ANK1: variants seen among roughly 807,000 people sequenced by gnomAD.
ANK1 encodes ankyrin-1.
A neutral mutation model predicts 210.4 loss-of-function variants in ANK1; 51 were observed. The observed-to-expected ratio is 0.24, with a 90% confidence interval of 0.19 to 0.31. The LOEUF (loss-of-function observed/expected upper bound fraction) is 0.31, where lower values mean the gene tolerates loss of function less well. ANK1 is among the 10% of genes least tolerant of loss of function. The probability of loss-of-function intolerance (pLI) is 1.00; values close to 1 mark genes in which losing one functional copy is unlikely to be tolerated. For missense variants in ANK1, 2,051 were observed against 2,504.4 expected (o/e 0.82, Z 3.86); for synonymous variants, 967 against 1,025.9 (o/e 0.94, Z 1.10).
chr8:41,802,995 G>GAGAAAGAGAGAAAGAAAGAAAGAAAGAA (rs1242596948), intron 1 of ANK1, among the ~76,000 whole-genome samples: 1 of 57,532 alleles, frequency 1.7e-5, no homozygotes, highest in Non-Finnish European at 3.3e-5. Flanking sequence ...GAGAGAAAGA[G>GAGAAAGAGAGAAAGAAAGAAAGAAAGAA]AGAAAGAAAG....
At chr8:41,883,538 C>T (rs1384708116) in intron 1 of ANK1, among the ~76,000 whole-genome samples, 3 of 152,182 alleles carry the variant, frequency 2.0e-5, no homozygotes, top group Admixed American at 2.0e-4. Context: ...TAGTTCACTG[C>T]AGCCTCAACC....
At chr8:41,699,791 GAC>G (rs1240821520) in intron 22 of ANK1, among the ~76,000 whole-genome samples, 3 of 152,138 alleles carry the variant, frequency 2.0e-5, no homozygotes, top group African/African-American at 7.2e-5. Flanking sequence ...GGAGGCCAAA[GAC>G]ACAGCCAGAA....
At chr8:41,661,633 G>A (rs776331766) in intron 41 of ANK1, 69 bp from the exon 42 acceptor site, 16 of 1,609,066 alleles carry the variant, frequency 9.9e-6, no homozygotes, top group Middle Eastern at 1.6e-4. Flanking sequence ...GCAGAAGATC[G>A]AAAGGAGGCC....
At chr8:41,715,392 G>A (rs1827349086) in intron 14 of ANK1, among the ~76,000 whole-genome samples, 1 of 152,220 alleles carries the variant, frequency 6.6e-6, no homozygotes, top group Non-Finnish European at 1.5e-5. Context: ...CCCAAAGCAG[G>A]TTTCGACTAA....
chr8:41,692,823 A>G lies in ANK1; in HGVS notation c.3683T>C (p.Leu1228Pro). The change falls in exon 31 of 43, where the codon CTG becomes CCG. Residue 1228 changes from leucine (L) to proline (P), a missense_variant. Leu to Pro is a moderately conservative substitution (Grantham distance 98). This residue lies in a region of ANK1 where 1,413 missense variants were observed against 1,707.4 expected (regional missense o/e 0.83). Coordinates refer to ENST00000289734, the MANE Select transcript of ANK1 (RefSeq NM_000037.4). The part of the protein sequence containing the change: ...RTAEAVNFAT[L>P]LYKELTAVPY... ...CACTGCAGTGAGCTCTTTGTACAGC[A>G]GGGTGGCAAAGTTCACAGCCTCAGC... The G allele has an allele frequency of 6.2e-7, 1 of 1,614,156 alleles. No individual in the cohort carries two copies. The highest frequency in any genetic ancestry group is 8.5e-7 in the Non-Finnish European group (1 of 1,180,032).
At chr8:41,818,798 G>C (rs1803729526) in intron 1 of ANK1, among the ~76,000 whole-genome samples, 1 of 152,156 alleles carries the variant, frequency 6.6e-6, no homozygotes, top group Non-Finnish European at 1.5e-5. Flanking sequence ...GGCAATTAAA[G>C]TGTGTCCTTG....
intron 1 of ANK1, among the ~76,000 whole-genome samples, chr8:41,827,556 TAC>T (rs1054301934): frequency 6.6e-6 from 1 of 152,218 alleles, no homozygotes; most frequent in Non-Finnish European, 1.5e-5. Context: ...GCAAGTTAAC[TAC>T]AGTTATTTTA....
At chr8:41,670,011 G>T (rs1285207608) in intron 38 of ANK1, among the ~76,000 whole-genome samples, 1 of 151,998 alleles carries the variant, frequency 6.6e-6, no homozygotes, top group African/African-American at 2.4e-5. Context: ...TGGCACTCAT[G>T]CAGGCCTCCC....
rs1364955154 is a variant in ANK1 at position 41,696,379 on chromosome 8, C to T, written c.2944G>A (p.Gly982Arg). ...ASRIIALGPTGAQFLSPVIVE... is the reference protein window; with the variant it reads ...ASRIIALGPTRAQFLSPVIVE... ...CAAGCTCACCTCAGGAACTGTGCCC[C>T]CGTGGGCCCCAGTGCTATGATCCTG... The change falls in exon 26 of 43, where the codon GGG becomes AGG. Residue 982 changes from glycine (G) to arginine (R), a missense_variant. Coordinates refer to ENST00000289734, the MANE Select transcript of ANK1 (RefSeq NM_000037.4). 6.2e-7 allele frequency: 1 copy of T among 1,613,162 alleles called. No individual in the cohort carries two copies. The highest frequency in any genetic ancestry group is 8.5e-7 in the Non-Finnish European group (1 of 1,179,966).
chr8:41,788,047 C>T (rs10112594), intron 1 of ANK1, among the ~76,000 whole-genome samples: 118,618 of 152,130 alleles, frequency 0.78, 47,223 homozygotes, highest in African/African-American at 0.88. Context: ...TGCTATCAAT[C>T]GGATTGGCGT....
chr8:41,714,169 TGCGGGGAGCCGCCCCGGGGAAGCA>T lies in ANK1; in HGVS notation c.1763_1786del (p.Leu588_Pro595del). 7.0e-7 allele frequency: 1 copy of T among 1,433,212 alleles called. No individual in the cohort carries two copies. Among genetic ancestry groups the T allele is most frequent in the Non-Finnish European group, 9.3e-7 (1 of 1,076,326 alleles). The allele number at this position is 1,433,212 out of a possible 1,614,324, so 88.8% of individuals were successfully genotyped here. A position where few individuals can be genotyped will look rare whatever the true frequency, so the allele number is the denominator to read the frequency against. ...GGCGGGCCTTACCCAGGCAGGGCTG[TGCGGGGAGCCGCCCCGGGGAAGCA>T]GCAGCTTGACGATGTCCAGGTTGTT... On this transcript the variant is annotated inframe_deletion, in exon 16 of 43. Coordinates refer to ENST00000289734, the MANE Select transcript of ANK1 (RefSeq NM_000037.4).
At position 41,794,334 on chromosome 8, in the gene ANK1, C is replaced by T. The variant is rs533471574; in HGVS notation, c.27+3178G>A. 4.9e-4 allele frequency among the ~76,000 whole-genome samples: 74 copies of T among 152,316 alleles called. 1 individual carries two copies. Among genetic ancestry groups the T allele is most frequent in the African/African-American group, 1.4e-3 (58 of 41,556 alleles). On this transcript the variant is annotated intron_variant, in intron 1 of 42. Transcript: ENST00000289734. The stretch of plus-strand genomic sequence containing the variant: ...GCCTCCCGGTTATTCCCATGACACA[C>T]GCCTGCCTCAGGACCTTTGCATGTG...
At chr8:41,792,397 C>T (rs1316896257) in intron 1 of ANK1, among the ~76,000 whole-genome samples, 1 of 152,218 alleles carries the variant, frequency 6.6e-6, no homozygotes, top group Non-Finnish European at 1.5e-5. Flanking sequence ...TCCAGACCTT[C>T]CCGACATCAA....
At position 41,725,941 on chromosome 8, in the gene ANK1, G is replaced by A; in HGVS notation, c.432C>T (p.Gly144=). Residue 144 remains glycine, a synonymous_variant, in exon 6 of 43, where the codon GGC becomes GGT. Transcript: ENST00000289734. Reference sequence around the variant, plus strand: ...GCAGGGCTACCGCCAGAGGCGTGAAGCCGTCCTGGCCAGAGGAGGAAAATG... The same window carrying A: ...GCAGGGCTACCGCCAGAGGCGTGAAACCGTCCTGGCCAGAGGAGGAAAATG... ...GANQNVATED[G]FTPLAVALQQ... 6.2e-7 allele frequency: 1 copy of A among 1,613,392 alleles called. No individual in the cohort carries two copies. Among genetic ancestry groups the A allele is most frequent in the Non-Finnish European group, 8.5e-7 (1 of 1,179,930 alleles).
At chr8:41,766,285 G>C (rs1841769262) in intron 1 of ANK1, among the ~76,000 whole-genome samples, 1 of 152,152 alleles carries the variant, frequency 6.6e-6, no homozygotes. Context: ...AAAGACAGCT[G>C]TCCCCAGCCA....
At chr8:41,679,807 G>A (rs1041193835) in intron 37 of ANK1, among the ~76,000 whole-genome samples, 6 of 151,582 alleles carry the variant, frequency 4.0e-5, no homozygotes, top group East Asian at 3.9e-4. Flanking sequence ...CTCGTGATCC[G>A]CCCACCTCGG....
Position 41,715,042 on chromosome 8 carries a change from C to G in ANK1, c.1635G>C (p.Lys545Asn). The G allele has an allele frequency of 6.2e-7, 1 of 1,614,118 alleles. No homozygotes were observed. Among genetic ancestry groups the G allele is most frequent in the South Asian group, 1.1e-5 (1 of 91,070 alleles). ...GCTCTGCCACCCGCACCTTCCCGTA[C>G]TTGGCCGCCACGTGCAGAGGGGTAA... is the stretch of plus-strand genomic sequence containing the variant. ...KGFTPLHVAA[K>N]YGKVRVAELL... is the part of the protein sequence containing the mutation. The change falls in exon 15 of 43, where the codon AAG (lysine) becomes AAC (asparagine). Residue 545 changes from lysine to asparagine, a missense_variant. Lys to Asn is a moderately conservative substitution (Grantham distance 94). Around this residue, in one of 6 missense-constraint regions of ANK1, gnomAD observed 1,413 missense variants for 1,707.4 expected, o/e 0.83. Transcript: ENST00000289734.
chr8:41,700,478 T>A, intron 22 of ANK1: 1 of 1,612,584 alleles, frequency 6.2e-7, no homozygotes, highest in Non-Finnish European at 8.5e-7. Context: ...GAGAGCAGAA[T>A]TGAAAGAAGG....
rs200151751 is a variant in ANK1, at chr8:41,696,437, C to A, written c.2886G>T (p.Pro962=). 5.5e-5 allele frequency: 88 copies of A among 1,613,230 alleles called. No individual in the cohort carries two copies. The highest frequency in any genetic ancestry group is 8.0e-5 in the African/African-American group (6 of 75,064). Residue 962 remains proline, a synonymous_variant, in exon 26 of 43, where the codon CCG becomes CCT. Coordinates refer to ENST00000289734, the MANE Select transcript of ANK1 (RefSeq NM_000037.4). ...RLVKPQKLST[P]PPLAEEEGLA... ...GGCCCTCCTCCTCGGCCAGTGGGGG[C>A]GGCGTGCTGAGCTTCTGGGGCTTGA...
Sources: gnomAD v4.1 joint callset for allele counts (sites outside exome capture counted in the v4.1 genomes callset) on GRCh38, gnomAD v4.1.1 for gene constraint, gnomAD v4.1.1 regional missense constraint, MANE v1.5 for transcripts, NCBI Gene and HGNC (gene_info 2026-07-23, HGNC 2026-07-21) for gene names.